ANKDD1A: variants seen among roughly 807,000 people sequenced by gnomAD.
ANKDD1A encodes the protein ankyrin repeat and death domain containing 1A, also known as ankyrin repeat and death domain-containing protein 1A.
Under a neutral mutation model 63.5 loss-of-function variants are expected in ANKDD1A, and 59 were observed. That is an observed-to-expected ratio of 0.93 (90% CI 0.75 to 1.15). The LOEUF (loss-of-function observed/expected upper bound fraction) is 1.15, where lower values mean the gene tolerates loss of function less well. ANKDD1A is among the 50% of genes most tolerant of loss of function. The pLI, the probability that ANKDD1A is intolerant of heterozygous loss-of-function variation, is 0.00. For synonymous variants in ANKDD1A, 266 were observed against 263.9 expected, an observed-to-expected ratio of 1.01 and a Z score of -0.08; for missense variants, 632 against 656.4, an observed-to-expected ratio of 0.96 and a Z score of 0.41.
Position 64,953,206 on chromosome 15 carries a change from TCTC to T in ANKDD1A, c.1483+3237_1483+3239del, listed in dbSNP as rs1555366995. Among the ~76,000 whole-genome samples the T allele has an allele frequency of 7.7e-3, 770 of 100,162 alleles. 6 individuals carry two copies. The highest frequency in any genetic ancestry group is 0.013 in the Non-Finnish European group (584 of 43,968). The allele number at this position is 100,162 out of a possible 152,430, so 65.7% of individuals were successfully genotyped here. ...TCTTCTTCCTCTTCTTATTCTTTCTTCTCCTTCTTTCTTGTTCCTTATTCTTCT... is the reference window on the plus strand; with the variant it reads ...TCTTCTTCCTCTTCTTATTCTTTCTTCTTCTTTCTTGTTCCTTATTCTTCT... On this transcript the variant is annotated intron_variant, in intron 14 of 14. Coordinates refer to ENST00000319580, the MANE Select transcript of ANKDD1A (RefSeq NM_182703.6).
intron 14 of ANKDD1A, among the ~76,000 whole-genome samples, chr15:64,953,802 C>CT (rs143700483): frequency 0.2 from 25,836 of 131,922 alleles, 3,026 homozygotes; most frequent in African/African-American, 0.3. Flanking sequence ...TTTCTTCTTC[C>CT]TTTTTTTCTT....
chr15:64,925,120 C>T (rs1390749227), intron 4 of ANKDD1A, among the ~76,000 whole-genome samples: 3 of 148,098 alleles, frequency 2.0e-5, no homozygotes, highest in Non-Finnish European at 3.0e-5. Flanking sequence ...CCCAGCTACT[C>T]GGGAGGTTGA....
chr15:64,949,924 A>G lies in ANKDD1A; in HGVS notation c.1435A>G (p.Lys479Glu). ...GGCCACGGCTGGTGAGAACCCCAGC[A>G]AAGCGCTGTTCGAGGGCCTCGTGGC... Reference protein sequence around the residue: ...GVATAGENPSKALFEGLVAIG... With the variant: ...GVATAGENPSEALFEGLVAIG... Residue 479 changes from lysine (K) to glutamate (E), a missense_variant, in exon 14 of 15, where the codon AAA becomes GAA. By Grantham distance (56) the Lys-to-Glu change is moderately conservative (BLOSUM62 1). Coordinates refer to ENST00000319580, the MANE Select transcript of ANKDD1A (RefSeq NM_182703.6). 6.2e-7 allele frequency: 1 copy of G among 1,609,478 alleles called. No individual in the cohort carries two copies. The highest frequency in any genetic ancestry group is 1.7e-5 in the Admixed American group (1 of 60,028).
chr15:64,933,007 G>T (rs979787015), intron 8 of ANKDD1A, among the ~76,000 whole-genome samples: 1 of 151,236 alleles, frequency 6.6e-6, no homozygotes, highest in Non-Finnish European at 1.5e-5. Context: ...TTGGGTGGGG[G>T]GCTGGAGCTG....
chr15:64,941,405 A>G (rs138361321), intron 9 of ANKDD1A, among the ~76,000 whole-genome samples: 1 of 152,328 alleles, frequency 6.6e-6, no homozygotes, highest in African/African-American at 2.4e-5. Context: ...AGAGCATGGT[A>G]CCAGCATCTT....
intron 9 of ANKDD1A, among the ~76,000 whole-genome samples, chr15:64,934,440 A>T (rs1391719051): frequency 1.3e-5 from 2 of 151,198 alleles, no homozygotes; most frequent in Non-Finnish European, 2.9e-5. Context: ...ATTCCTCTGA[A>T]CTGAATTATT....
intron 6 of ANKDD1A, among the ~76,000 whole-genome samples, chr15:64,928,566 G>A (rs1471711015): frequency 6.6e-5 from 10 of 152,238 alleles, no homozygotes; most frequent in African/African-American, 2.4e-4. Flanking sequence ...TCATCTGGGA[G>A]TGGGGCACGG....
intron 14 of ANKDD1A, among the ~76,000 whole-genome samples, chr15:64,953,665 C>CT (rs2085354821): frequency 4.4e-4 from 23 of 52,774 alleles, no homozygotes; most frequent in Non-Finnish European, 9.1e-4. Flanking sequence ...TCTTTTCTTT[C>CT]TTCTCCTTCT....
intron 9 of ANKDD1A, among the ~76,000 whole-genome samples, chr15:64,936,656 T>C (rs1439274018): frequency 6.6e-6 from 1 of 151,884 alleles, no homozygotes; most frequent in Non-Finnish European, 1.5e-5. Context: ...CTGGGCAGCA[T>C]AGTGAGACCC....
At chr15:64,954,718 T>TC (rs2085395951) in intron 14 of ANKDD1A, among the ~76,000 whole-genome samples, 4 of 141,008 alleles carry the variant, frequency 2.8e-5, no homozygotes, top group Non-Finnish European at 4.6e-5. Flanking sequence ...TTCTTCTCCT[T>TC]CTCCTCCTCC....
chr15:64,915,914 T>C lies in ANKDD1A; in HGVS notation c.138+14T>C. The stretch of plus-strand genomic sequence containing the variant: ...GCCAGAAACCACGTGCGTAATGAGC[T>C]TCTCTGAATCCAGGCACCTGGGATA... On this transcript the variant is annotated intron_variant, in intron 2 of 14. Coordinates refer to ENST00000319580, the MANE Select transcript of ANKDD1A (RefSeq NM_182703.6). 1.2e-6 allele frequency: 2 copies of C among 1,610,772 alleles called. No individual in the cohort carries two copies. The highest frequency in any genetic ancestry group is 2.7e-5 in the African/African-American group (2 of 74,972).
At chr15:64,953,445 CTTCTTT>C (rs2085340071) in intron 14 of ANKDD1A, among the ~76,000 whole-genome samples, 5 of 98,606 alleles carry the variant, frequency 5.1e-5, no homozygotes, top group South Asian at 4.7e-4. Context: ...CCTTCCTTTT[CTTCTTT>C]CTTCTCTCCT....
chr15:64,939,921 T>C (rs1051959889), intron 9 of ANKDD1A, among the ~76,000 whole-genome samples: 1 of 152,080 alleles, frequency 6.6e-6, no homozygotes, highest in Non-Finnish European at 1.5e-5. Context: ...TTTTTGGATC[T>C]AGGGTTAGGC....
chr15:64,927,972 T>C (rs2036766452), intron 6 of ANKDD1A, among the ~76,000 whole-genome samples: 1 of 152,226 alleles, frequency 6.6e-6, no homozygotes. Context: ...TTCTGGTTAA[T>C]GTGCTTGGCC....
chr15:64,928,473 G>C (rs1288280987), intron 6 of ANKDD1A, among the ~76,000 whole-genome samples: 2 of 152,230 alleles, frequency 1.3e-5, no homozygotes, highest in Non-Finnish European at 2.9e-5. Flanking sequence ...CTTGCAATCA[G>C]AAATTCTGCA....
intron 14 of ANKDD1A, among the ~76,000 whole-genome samples, chr15:64,953,539 C>CTTCTTCCTTCTCCTT (rs2085345273): frequency 9.6e-4 from 6 of 6,222 alleles, no homozygotes; most frequent in South Asian, 6.5e-3. Flanking sequence ...TTCTCCTCTC[C>CTTCTTCCTTCTCCTT]TTCTTCCTTC....
intron 1 of ANKDD1A, among the ~76,000 whole-genome samples, chr15:64,913,753 C>T (rs2084949250): frequency 6.6e-6 from 1 of 152,228 alleles, no homozygotes; most frequent in Non-Finnish European, 1.5e-5. Flanking sequence ...TCTTAGCCTT[C>T]CCTACCAAGA....
At chr15:64,956,111 C>T (rs949076178) in intron 14 of ANKDD1A, among the ~76,000 whole-genome samples, 10 of 152,048 alleles carry the variant, frequency 6.6e-5, no homozygotes, top group Non-Finnish European at 7.4e-5. Flanking sequence ...AAAAAAACCC[C>T]AAGATACAGG....
chr15:64,920,024 C>T (rs2084997121), intron 3 of ANKDD1A: 3 of 152,248 alleles, frequency 2.0e-5, no homozygotes, highest in Admixed American at 6.5e-5. Context: ...TTTGTCAAGG[C>T]TTTTACCCAA....
Sources: allele counts gnomAD v4.1 joint callset (sites outside exome capture counted in the v4.1 genomes callset), GRCh38; gene constraint gnomAD v4.1.1; transcripts MANE v1.5; gene names NCBI Gene and HGNC (gene_info 2026-07-23, HGNC 2026-07-21).